The following NRXN1 variants were observed in gnomAD, a reference collection of about 807,000 sequenced individuals.
NRXN1 encodes the protein neurexin 1, also known as neurexin-1.
In NRXN1, 39 loss-of-function variants were observed where a neutral mutation model predicts 150.9. That is an observed-to-expected ratio of 0.26 (90% CI 0.20 to 0.34). The LOEUF is 0.34. NRXN1 is among the 10% of genes least tolerant of loss of function. The probability of loss-of-function intolerance (pLI) is 1.00; values close to 1 mark genes in which losing one functional copy is unlikely to be tolerated. For synonymous variants in NRXN1, 924 were observed against 757.0 expected (o/e 1.22, Z -3.62); for missense variants, 1,815 against 1,949.9 (o/e 0.93, Z 1.30).
At chr2:50,546,204 G>A (rs192756718) in intron 9 of NRXN1, among the ~76,000 whole-genome samples, 1 of 152,140 alleles carries the variant, frequency 6.6e-6, no homozygotes, top group Admixed American at 6.6e-5. Flanking sequence ...CATGAGATAA[G>A]GAAATGTATA....
At chr2:50,210,274 TG>T (rs2062921412) in intron 18 of NRXN1, among the ~76,000 whole-genome samples, 9 of 151,930 alleles carry the variant, frequency 5.9e-5, no homozygotes, top group Non-Finnish European at 1.2e-4. Context: ...CATCGCACTG[TG>T]TTTGGTTTAT....
chr2:51,010,097 T>C (rs1196227743), intron 2 of NRXN1, among the ~76,000 whole-genome samples: 1 of 151,974 alleles, frequency 6.6e-6, no homozygotes, highest in Non-Finnish European at 1.5e-5. Flanking sequence ...CATAAATCCC[T>C]GGAAAGTCAT....
chr2:49,922,607 T>C (rs924852074), intron 22 of NRXN1, among the ~76,000 whole-genome samples: 1 of 152,126 alleles, frequency 6.6e-6, no homozygotes, highest in Non-Finnish European at 1.5e-5. Context: ...AGCCCTACCC[T>C]ATAATACTAG....
At chr2:50,582,245 C>A (rs1672376247) in intron 8 of NRXN1, among the ~76,000 whole-genome samples, 1 of 151,896 alleles carries the variant, frequency 6.6e-6, no homozygotes, top group African/African-American at 2.4e-5. Flanking sequence ...TAAAAAATTA[C>A]TTTGCAGGGC....
intron 15 of NRXN1, among the ~76,000 whole-genome samples, chr2:50,482,125 A>G (rs1182153252): frequency 6.6e-6 from 1 of 152,170 alleles, no homozygotes; most frequent in Admixed American, 6.5e-5. Flanking sequence ...AGATTTTTTT[A>G]AAGTATGATT....
chr2:50,333,511 C>G (rs1400147793), intron 17 of NRXN1, among the ~76,000 whole-genome samples: 1 of 151,980 alleles, frequency 6.6e-6, no homozygotes, highest in Non-Finnish European at 1.5e-5. Context: ...AGGATGTGTG[C>G]CCACCCAGCC....
chr2:50,871,849 C>T (rs1183260626), intron 5 of NRXN1, among the ~76,000 whole-genome samples: 1 of 151,826 alleles, frequency 6.6e-6, no homozygotes, highest in African/African-American at 2.4e-5. Flanking sequence ...TAAACACTCA[C>T]TACATTCCAC....
intron 5 of NRXN1, among the ~76,000 whole-genome samples, chr2:50,768,977 G>A (rs149758120): frequency 8.7e-4 from 132 of 151,590 alleles, no homozygotes; most frequent in African/African-American, 3.1e-3. Context: ...AAACTTCTTG[G>A]GATTTTCAGG....
chr2:50,828,312 G>A (rs1413721326), intron 5 of NRXN1, among the ~76,000 whole-genome samples: 12 of 546 alleles, frequency 0.022, no homozygotes, highest in African/African-American at 0.04. Context: ...GCGGCTGGCC[G>A]GGAGGGGGCT....
At chr2:50,391,513 T>G (rs1209296991) in intron 17 of NRXN1, among the ~76,000 whole-genome samples, 1 of 152,116 alleles carries the variant, frequency 6.6e-6, no homozygotes, top group African/African-American at 2.4e-5. Context: ...CCTCTTAAAA[T>G]ATAGTTATTA....
At chr2:49,976,673 T>C (rs1358022664) in intron 21 of NRXN1, among the ~76,000 whole-genome samples, 2 of 152,228 alleles carry the variant, frequency 1.3e-5, no homozygotes, top group South Asian at 2.1e-4. Context: ...AAATAAAGGT[T>C]CTGGCAATCT....
chr2:50,756,259 C>T (rs1297393289), intron 5 of NRXN1, among the ~76,000 whole-genome samples: 2 of 151,580 alleles, frequency 1.3e-5, no homozygotes, highest in African/African-American at 4.8e-5. Context: ...TATGGCTTCA[C>T]CTAAAATACA....
chr2:50,774,761 A>G (rs1703403340), intron 5 of NRXN1, among the ~76,000 whole-genome samples: 1 of 152,072 alleles, frequency 6.6e-6, no homozygotes, highest in South Asian at 2.1e-4. Context: ...TGTCTGGACA[A>G]TCTGGTTGTA....
At chr2:50,731,236 CA>C (rs1698063495) in intron 5 of NRXN1, among the ~76,000 whole-genome samples, 1 of 151,960 alleles carries the variant, frequency 6.6e-6, no homozygotes, top group Non-Finnish European at 1.5e-5. Flanking sequence ...TAAAAAATGA[CA>C]AGAAATGGAA....
At chr2:50,177,130 G>C (rs186878405) in intron 18 of NRXN1, among the ~76,000 whole-genome samples, 108 of 152,168 alleles carry the variant, frequency 7.1e-4, no homozygotes, top group Non-Finnish European at 1.3e-3. Context: ...TAGATGCAGG[G>C]AGTACATGTG....
At chr2:50,567,403 G>A (rs10191414) in intron 8 of NRXN1, among the ~76,000 whole-genome samples, 302 of 152,180 alleles carry the variant, frequency 2.0e-3, no homozygotes, top group African/African-American at 7.1e-3. Flanking sequence ...GCCCAAAACA[G>A]CAGGGCCAGA....
At chr2:50,461,669 G>A (rs2088232667) in intron 17 of NRXN1, among the ~76,000 whole-genome samples, 1 of 151,870 alleles carries the variant, frequency 6.6e-6, no homozygotes, top group Admixed American at 6.6e-5. Context: ...TCAGCAAATG[G>A]TTACATCCAA....
At chr2:50,821,678 C>T (rs1669751459) in intron 5 of NRXN1, among the ~76,000 whole-genome samples, 1 of 152,004 alleles carries the variant, frequency 6.6e-6, no homozygotes, top group Admixed American at 6.6e-5. Flanking sequence ...CTGAATTATC[C>T]ATTACAAAGC....
intron 21 of NRXN1, among the ~76,000 whole-genome samples, chr2:50,001,917 G>A (rs764527213): frequency 5.9e-5 from 9 of 152,012 alleles, no homozygotes; most frequent in Non-Finnish European, 1.2e-4. Flanking sequence ...AGAAAGGAGT[G>A]CCAGACTCTC....
Sources: allele counts gnomAD v4.1 joint callset (sites outside exome capture counted in the v4.1 genomes callset), GRCh38; gene constraint gnomAD v4.1.1; transcripts MANE v1.5; gene names NCBI Gene and HGNC (gene_info 2026-07-23, HGNC 2026-07-21).